The following OPCML variants were observed in gnomAD, a reference collection of about 807,000 sequenced individuals.
OPCML encodes the protein opioid-binding protein/cell adhesion molecule.
OPCML carries 13 observed loss-of-function variants against 37.8 expected under a neutral mutation model. That is an observed-to-expected ratio of 0.34 (90% confidence interval 0.22 to 0.55). The LOEUF is 0.55. Ranked by LOEUF, OPCML falls within the 20% of genes least tolerant of loss-of-function variation. OPCML has a pLI of 0.91. For missense variants in OPCML, 341 were observed against 435.6 expected, an observed-to-expected ratio of 0.78 and a Z score of 1.93; for synonymous variants, 176 against 168.8, an observed-to-expected ratio of 1.04 and a Z score of -0.33.
Position 133,272,969 on chromosome 11 carries a change from A to G in OPCML, c.61+259295T>C, listed in dbSNP as rs79226119. Among the ~76,000 whole-genome samples, 282 of 152,268 alleles carry G rather than the reference A, an allele frequency of 1.9e-3. 2 individuals are homozygous for G. Among genetic ancestry groups the G allele is most frequent in the South Asian group, 0.012 (57 of 4,814 alleles). ...AAATCAAAATTTCTCTTTGCTCTCAATAAGATGACAGTCTAGAACACTTGA... is the reference window on the plus strand; with the variant it reads ...AAATCAAAATTTCTCTTTGCTCTCAGTAAGATGACAGTCTAGAACACTTGA... On this transcript the variant is annotated intron_variant, in intron 1 of 7. Transcript: ENST00000524381.
intron 4 of OPCML, among the ~76,000 whole-genome samples, chr11:132,441,253 C>T (rs2096033541): frequency 1.4e-5 from 2 of 140,260 alleles, no homozygotes. Context: ...CTGCAAGCTC[C>T]GCCTCCCGGG....
intron 1 of OPCML, among the ~76,000 whole-genome samples, chr11:132,985,509 A>G (rs1946668530): frequency 6.6e-6 from 1 of 152,158 alleles, no homozygotes; most frequent in South Asian, 2.1e-4. Context: ...AGCAAAAGAA[A>G]GCACAGTCAC....
chr11:132,792,201 G>A (rs373312948), intron 2 of OPCML, among the ~76,000 whole-genome samples: 2 of 152,040 alleles, frequency 1.3e-5, no homozygotes, highest in Middle Eastern at 3.2e-3. Flanking sequence ...TTAAAATGCA[G>A]GGCATTGTTT....
At chr11:133,266,356 C>G (rs539369135) in intron 1 of OPCML, among the ~76,000 whole-genome samples, 1 of 152,272 alleles carries the variant, frequency 6.6e-6, no homozygotes, top group Admixed American at 6.5e-5. Flanking sequence ...TCACCAACCT[C>G]CAAGACCCCC....
Position 132,986,122 on chromosome 11 carries a change from T to C in OPCML, c.62-43112A>G, listed in dbSNP as rs2136804236. Among the ~76,000 whole-genome samples, 4 of 152,298 alleles carry C rather than the reference T, an allele frequency of 2.6e-5. 1 individual carries two copies. The highest frequency in any genetic ancestry group is 2.6e-4 in the Admixed American group (4 of 15,300). On this transcript the variant is annotated intron_variant, in intron 1 of 7. Transcript: ENST00000524381. ...ATCAGCTCTGAAAACTTTTTTTTAC[T>C]TTCTTTCCCTCAATCTAATGGAAAT...
chr11:133,427,735 G>A (rs1001397807), intron 1 of OPCML, among the ~76,000 whole-genome samples: 1 of 151,820 alleles, frequency 6.6e-6, no homozygotes, highest in African/African-American at 2.4e-5. Context: ...TAAAGTGGTA[G>A]AACACCGAAA....
chr11:132,887,048 A>C (rs2136447859), intron 2 of OPCML, among the ~76,000 whole-genome samples: 1 of 152,350 alleles, frequency 6.6e-6, no homozygotes, highest in South Asian at 2.1e-4. Context: ...GCTCACTTAC[A>C]GAATTTTATC....
chr11:133,042,464 A>G (rs2136948668), intron 1 of OPCML, among the ~76,000 whole-genome samples: 1 of 152,362 alleles, frequency 6.6e-6, no homozygotes, highest in South Asian at 2.1e-4. Flanking sequence ...GCAGAGAGGC[A>G]GAGCGGGACG....
chr11:132,518,331 G>T (rs1167343286), intron 4 of OPCML, among the ~76,000 whole-genome samples: 2 of 152,102 alleles, frequency 1.3e-5, no homozygotes, highest in Non-Finnish European at 1.5e-5. Context: ...GCAGTGTTTG[G>T]TTTTCTGTTC....
At chr11:133,335,443 C>T (rs979790508) in intron 1 of OPCML, among the ~76,000 whole-genome samples, 1 of 152,092 alleles carries the variant, frequency 6.6e-6, no homozygotes, top group Non-Finnish European at 1.5e-5. Context: ...CCCTGGACTG[C>T]GTCACCCCTG....
chr11:133,527,123 C>A (rs985854107), intron 1 of OPCML, among the ~76,000 whole-genome samples: 12 of 152,230 alleles, frequency 7.9e-5, no homozygotes, highest in African/African-American at 1.4e-4. Flanking sequence ...CCCTGTCCAG[C>A]GGACCAGCAT....
chr11:133,079,702 T>C (rs1230903597), intron 1 of OPCML, among the ~76,000 whole-genome samples: 1 of 152,104 alleles, frequency 6.6e-6, no homozygotes, highest in Admixed American at 6.5e-5. Flanking sequence ...AATTTCACAA[T>C]TTGTGAATTG....
intron 4 of OPCML, among the ~76,000 whole-genome samples, chr11:132,519,589 C>T (rs2096287763): frequency 1.3e-5 from 2 of 152,082 alleles, no homozygotes; most frequent in South Asian, 2.1e-4. Flanking sequence ...AGGGGGAAAA[C>T]ATATGGGTAC....
chr11:132,467,754 T>C (rs1014900058), intron 4 of OPCML, among the ~76,000 whole-genome samples: 2 of 152,340 alleles, frequency 1.3e-5, no homozygotes, highest in Middle Eastern at 6.8e-3. Context: ...CACATGTTAC[T>C]ACAAGAATTG....
intron 1 of OPCML, among the ~76,000 whole-genome samples, chr11:133,108,380 C>T (rs533496547): frequency 2.6e-4 from 39 of 152,244 alleles, no homozygotes; most frequent in African/African-American, 8.9e-4. Context: ...AGTGGACTGT[C>T]GTCAGACTTT....
At chr11:132,998,708 A>C (rs542982536) in intron 1 of OPCML, among the ~76,000 whole-genome samples, 1 of 152,268 alleles carries the variant, frequency 6.6e-6, no homozygotes, top group African/African-American at 2.4e-5. Context: ...TTAGGTCATG[A>C]GGATGGAGCC....
chr11:132,482,400 AC>A (rs1306697159), intron 4 of OPCML, among the ~76,000 whole-genome samples: 1 of 151,848 alleles, frequency 6.6e-6, no homozygotes, highest in Non-Finnish European at 1.5e-5. Context: ...TAGACCAATA[AC>A]AGGATCTGAA....
At chr11:132,669,298 T>C (rs1942356336) in intron 2 of OPCML, among the ~76,000 whole-genome samples, 2 of 151,878 alleles carry the variant, frequency 1.3e-5, no homozygotes, top group African/African-American at 2.4e-5. Flanking sequence ...ATGAGGGACA[T>C]GGAGTGATGG....
intron 2 of OPCML, among the ~76,000 whole-genome samples, chr11:132,821,313 C>A (rs980430953): frequency 6.6e-6 from 1 of 152,168 alleles, no homozygotes; most frequent in African/African-American, 2.4e-5. Context: ...CAAGGCAAGG[C>A]AGAGCACAGG....
Sources: gnomAD v4.1 joint callset for allele counts (sites outside exome capture counted in the v4.1 genomes callset) on GRCh38, gnomAD v4.1.1 for gene constraint, MANE v1.5 for transcripts, NCBI Gene and HGNC (gene_info 2026-07-23, HGNC 2026-07-21) for gene names.